Variants in LINGO2 observed in about 807,000 individuals in gnomAD.
The protein encoded by LINGO2 is leucine-rich repeat and immunoglobulin-like domain-containing nogo receptor-interacting protein 2.
Under a neutral mutation model 30.6 loss-of-function variants are expected in LINGO2, and 14 were observed. That is an observed-to-expected ratio of 0.46 (90% CI 0.30 to 0.72). The LOEUF (loss-of-function observed/expected upper bound fraction) is 0.72, where lower values mean the gene tolerates loss of function less well. Among genes scored for constraint, LINGO2 ranks in the 30% least tolerant of loss-of-function variants. LINGO2 has a pLI of 0.07. For missense variants in LINGO2, 729 were observed against 751.7 expected (o/e 0.97, Z 0.35); for synonymous variants, 317 against 288.5 (o/e 1.10, Z -1.00).
intron 1 of LINGO2, among the ~76,000 whole-genome samples, chr9:28,629,440 A>G (rs62547111): frequency 1.3e-5 from 2 of 152,014 alleles, no homozygotes; most frequent in East Asian, 3.9e-4. Flanking sequence ...ACTTAATGTT[A>G]GCATATTTAA....
At chr9:28,654,695 C>T (rs986210789) in intron 1 of LINGO2, among the ~76,000 whole-genome samples, 2 of 152,054 alleles carry the variant, frequency 1.3e-5, no homozygotes, top group African/African-American at 2.4e-5. Flanking sequence ...ATCCTCTTCA[C>T]GGCAGCAATG....
intron 2 of LINGO2, among the ~76,000 whole-genome samples, chr9:28,383,455 A>G (rs1457011059): frequency 6.6e-6 from 1 of 152,094 alleles, no homozygotes; most frequent in Non-Finnish European, 1.5e-5. Context: ...AAAAAGGCCA[A>G]CATGCTGAAG....
the LINGO2 span, among the ~76,000 whole-genome samples, chr9:28,691,207 T>C: frequency 1.3e-5 from 2 of 152,224 alleles, no homozygotes; most frequent in Non-Finnish European, 2.9e-5. Context: ...TGGTTTACAG[T>C]CTTAATGGAA....
At chr9:28,395,995 T>G (rs982950885) in intron 2 of LINGO2, among the ~76,000 whole-genome samples, 3 of 152,136 alleles carry the variant, frequency 2.0e-5, no homozygotes, top group African/African-American at 7.2e-5. Flanking sequence ...ATGTTAAAAA[T>G]AGGAGTATCC....
At chr9:28,522,656 T>C (rs902863947) in intron 1 of LINGO2, among the ~76,000 whole-genome samples, 3 of 152,132 alleles carry the variant, frequency 2.0e-5, no homozygotes, top group Admixed American at 1.3e-4. Context: ...TTGAAATATA[T>C]AAAATATGAT....
intron 1 of LINGO2, among the ~76,000 whole-genome samples, chr9:28,506,521 T>TATATATAA (rs1564250911): frequency 7.6e-6 from 1 of 131,200 alleles, no homozygotes; most frequent in African/African-American, 2.8e-5. Flanking sequence ...TATATATATA[T>TATATATAA]AAACTGTTGG....
At chr9:29,035,269 A>G in the LINGO2 span, among the ~76,000 whole-genome samples, 2 of 152,082 alleles carry the variant, frequency 1.3e-5, no homozygotes, top group South Asian at 2.1e-4. Flanking sequence ...GATGAAGGTC[A>G]CATAGATTGT....
chr9:28,797,359 T>TATATATATATATATAG, the LINGO2 span, among the ~76,000 whole-genome samples: 5 of 34,212 alleles, frequency 1.5e-4, no homozygotes, highest in African/African-American at 2.9e-4. Flanking sequence ...TATATATATA[T>TATATATATATATATAG]AGAGAGAGAG....
the LINGO2 span, among the ~76,000 whole-genome samples, chr9:29,089,648 T>C: frequency 6.6e-6 from 1 of 152,096 alleles, no homozygotes; most frequent in African/African-American, 2.4e-5. Context: ...TGCAATTTTA[T>C]AACACCTTCT....
chr9:28,448,718 C>G (rs73644045), intron 2 of LINGO2, among the ~76,000 whole-genome samples: 2,755 of 152,090 alleles, frequency 0.018, 87 homozygotes, highest in African/African-American at 0.06. Context: ...AAAGAACAGA[C>G]AGCTTCTAGG....
At chr9:29,159,761 G>C in the LINGO2 span, among the ~76,000 whole-genome samples, 1 of 150,688 alleles carries the variant, frequency 6.6e-6, no homozygotes, top group Non-Finnish European at 1.5e-5. Flanking sequence ...CGGAAGCAGA[G>C]ACAAGAGAAT....
chr9:28,978,103 C>A, the LINGO2 span, among the ~76,000 whole-genome samples: 1,547 of 152,204 alleles, frequency 0.01, 3 homozygotes, highest in African/African-American at 0.015. Context: ...GCAATGAAAT[C>A]TTTTCCATTT....
At chr9:28,821,179 T>A in the LINGO2 span, among the ~76,000 whole-genome samples, 33 of 152,270 alleles carry the variant, frequency 2.2e-4, 1 homozygote, top group South Asian at 6.8e-3. Flanking sequence ...AAAGTGAGCA[T>A]CACACAGGGT....
intron 3 of LINGO2, among the ~76,000 whole-genome samples, chr9:28,349,793 C>T (rs933360987): frequency 8.6e-5 from 13 of 151,770 alleles, no homozygotes; most frequent in East Asian, 3.9e-4. Context: ...AGACTAACAG[C>T]GGATCTCTCG....
chr9:28,486,283 T>G (rs1281898819), intron 1 of LINGO2, among the ~76,000 whole-genome samples: 1 of 152,144 alleles, frequency 6.6e-6, no homozygotes, highest in Non-Finnish European at 1.5e-5. Context: ...AATTGAAAGA[T>G]TCCGTGTGGC....
upstream of LINGO2, among the ~76,000 whole-genome samples, chr9:28,672,997 G>C (rs1829080309): frequency 6.6e-6 from 1 of 152,074 alleles, no homozygotes; most frequent in African/African-American, 2.4e-5. Context: ...ATTAAAAGGA[G>C]ACTATTTTTC....
At chr9:29,177,762 A>C in the LINGO2 span, among the ~76,000 whole-genome samples, 3 of 152,210 alleles carry the variant, frequency 2.0e-5, no homozygotes, top group Non-Finnish European at 4.4e-5. Context: ...TTTATCTCCT[A>C]AGGGCCCTAC....
At chr9:28,512,171 C>T (rs140661596) in intron 1 of LINGO2, among the ~76,000 whole-genome samples, 5 of 152,070 alleles carry the variant, frequency 3.3e-5, no homozygotes, top group African/African-American at 1.2e-4. Flanking sequence ...GCATGAGCCA[C>T]TTTATGGCCT....
At chr9:27,984,926 G>C (rs1821052229) in intron 5 of LINGO2, among the ~76,000 whole-genome samples, 1 of 151,872 alleles carries the variant, frequency 6.6e-6, no homozygotes, top group African/African-American at 2.4e-5. Context: ...GGCAGGAAAA[G>C]GAAATAGCGT....
Sources: gnomAD v4.1 joint callset for allele counts (sites outside exome capture counted in the v4.1 genomes callset) on GRCh38, gnomAD v4.1.1 for gene constraint, MANE v1.5 for transcripts, NCBI Gene and HGNC (gene_info 2026-07-23, HGNC 2026-07-21) for gene names.